The following DST variants were observed in gnomAD, a reference collection of about 807,000 sequenced individuals.
DST encodes dystonin.
In DST, 253 loss-of-function variants were observed where a neutral mutation model predicts 875.2. The observed-to-expected ratio is 0.29, with a 90% CI of 0.26 to 0.32. DST has a LOEUF of 0.32. Ranked by LOEUF, DST falls within the 10% of genes least tolerant of loss-of-function variation. DST has a pLI of 1.00. For synonymous variants in DST, 3,124 were observed against 3,197.1 expected (o/e 0.98, Z 0.77); for missense variants, 8,287 against 9,111.6 (o/e 0.91, Z 3.68).
At chr6:56,629,497 A>T in intron 31 of DST, 54 bp from the exon 32 acceptor site, 1 of 1,313,214 alleles carries the variant, frequency 7.6e-7, no homozygotes, top group Non-Finnish European at 1.1e-6. Context: ...TCACTGGGTA[A>T]ATATATTATT....
At chr6:56,686,861 C>A (rs1017366120) in intron 9 of DST, among the ~76,000 whole-genome samples, 3 of 152,212 alleles carry the variant, frequency 2.0e-5, no homozygotes, top group South Asian at 4.1e-4. Context: ...TTATAAAGCA[C>A]TTTACAGTCT....
At chr6:56,862,926 T>C (rs2127594961) in intron 3 of DST, 1 of 152,284 alleles carries the variant, frequency 6.6e-6, no homozygotes, top group South Asian at 2.1e-4. Flanking sequence ...AATGAGTGGG[T>C]CCCAGTCAAG....
intron 9 of DST, among the ~76,000 whole-genome samples, chr6:56,671,244 G>A (rs555937187): frequency 5.3e-5 from 8 of 152,076 alleles, no homozygotes; most frequent in Non-Finnish European, 8.8e-5. Context: ...AAAATTCTAC[G>A]TTCTTCTTTC....
At chr6:56,893,231 C>T (rs1300522510) in intron 3 of DST, among the ~76,000 whole-genome samples, 2 of 152,230 alleles carry the variant, frequency 1.3e-5, no homozygotes, top group African/African-American at 4.8e-5. Flanking sequence ...TTAGCTCCCA[C>T]ATGTCAGTGA....
In DST at chr6:56,601,652, T is replaced by TA; in HGVS notation, c.11331dup (p.Thr3778TyrfsTer11). The TA allele has an allele frequency of 6.3e-7, 1 of 1,587,486 alleles. No individual in the cohort carries two copies. Among genetic ancestry groups the TA allele is most frequent in the Non-Finnish European group, 8.6e-7 (1 of 1,165,586 alleles). On this transcript the variant is annotated frameshift_variant, in exon 44 of 104. Coordinates refer to ENST00000680361, the MANE Select transcript of DST (RefSeq NM_001374736.1). LOFTEE classifies it high-confidence loss of function. ...GCAGTAGTCTCCAGCTGCATTTTGG[T>TA]ATGTCCAAGGTCTTTTAATACATTC... is the stretch of plus-strand genomic sequence containing the variant.
chr6:56,506,321 GA>G, intron 77 of DST, 121 bp downstream of exon 77: 1 of 687,466 alleles, frequency 1.5e-6, no homozygotes, highest in East Asian at 2.8e-5. Flanking sequence ...GCAACTGCAG[GA>G]ATAATTTGCC....
chr6:56,735,387 A>C, intron 4 of DST, 98 bp from the exon 5 acceptor site: 1 of 780,884 alleles, frequency 1.3e-6, no homozygotes, highest in Non-Finnish European at 2.1e-6. Flanking sequence ...TATTTAAAAG[A>C]TATGCTTCAG....
intron 36 of DST, chr6:56,620,281 T>C: frequency 1.2e-6 from 2 of 1,614,190 alleles, no homozygotes; most frequent in Non-Finnish European, 1.7e-6. Context: ...GATCTTCCAG[T>C]GTTCGTCTGG....
intron 4 of DST, among the ~76,000 whole-genome samples, chr6:56,845,339 G>A (rs1314959069): frequency 3.3e-5 from 5 of 152,076 alleles, no homozygotes; most frequent in Non-Finnish European, 2.9e-5. Context: ...CTTAGATAGG[G>A]ATGAGTTCCT....
At chr6:56,660,130 C>T (rs1442159324) in intron 10 of DST, among the ~76,000 whole-genome samples, 15 of 152,174 alleles carry the variant, frequency 9.9e-5, no homozygotes, top group Admixed American at 9.8e-4. Flanking sequence ...AAAAAGACTG[C>T]TGGCCAGAAC....
rs1423286229 is a variant in DST at position 56,555,494 on chromosome 6, T to C, written c.14987A>G (p.Glu4996Gly). ...QLETAQKMKQ[E>G]IQQEKKQIKV... ...TATCTGCTTCTTTTCCTGCTGTATC[T>C]CCTGCTTCATTTTTTGGGCTGTTTC... is the stretch of plus-strand genomic sequence containing the variant. Residue 4996 changes from glutamate to glycine, a missense_variant, in exon 60 of 104, where the codon GAG becomes GGG. Around this residue, in one of 10 missense-constraint regions of DST, gnomAD observed 1,513 missense variants for 1,677.8 expected, o/e 0.90. Coordinates refer to ENST00000680361, the MANE Select transcript of DST (RefSeq NM_001374736.1). 6.2e-7 allele frequency: 1 copy of C among 1,614,024 alleles called. No individual in the cohort carries two copies. The highest frequency in any genetic ancestry group is 8.5e-7 in the Non-Finnish European group (1 of 1,179,894).
rs2098482534 is a variant in DST at position 56,605,070 on chromosome 6, A to G, written c.9558T>C (p.His3186=). The change falls in exon 40 of 104, where the codon CAT becomes CAC. Residue 3186 remains histidine, a synonymous_variant. Coordinates refer to ENST00000680361, the MANE Select transcript of DST (RefSeq NM_001374736.1). ...KELDLFTYLK[H]CAKNIKAKDV... is the part of the protein sequence containing the mutation. ...CTTTTGCTTTTATATTTTTAGCACA[A>G]TGTTTTAAGTAAGTAAACAGATCAA... 4 of 1,612,628 alleles carry G rather than the reference A, an allele frequency of 2.5e-6. No individual in the cohort carries two copies. Among genetic ancestry groups the G allele is most frequent in the Non-Finnish European group, 3.4e-6 (4 of 1,179,280 alleles).
intron 90 of DST, among the ~76,000 whole-genome samples, chr6:56,478,959 T>G (rs1642280183): frequency 6.6e-6 from 1 of 152,080 alleles, no homozygotes; most frequent in Non-Finnish European, 1.5e-5. Context: ...CAACAAAAGA[T>G]AGAATCAACA....
chr6:56,615,271 T>C (rs2098602166), intron 36 of DST: 3 of 1,293,048 alleles, frequency 2.3e-6, no homozygotes, highest in South Asian at 3.6e-5. Context: ...AAAAACATTT[T>C]AGTGTGGCCA....
chr6:56,751,837 TAAAAG>T (rs2099588046), intron 4 of DST, among the ~76,000 whole-genome samples: 1 of 152,204 alleles, frequency 6.6e-6, no homozygotes, highest in African/African-American at 2.4e-5. Context: ...CATTCCAAAA[TAAAAG>T]AGAAGAGAGG....
At chr6:56,619,275 TG>T in intron 36 of DST, 1 of 1,613,042 alleles carries the variant, frequency 6.2e-7, no homozygotes, top group Non-Finnish European at 8.5e-7. Flanking sequence ...ATCATTAATT[TG>T]GTTTCATTAT....
rs2098507424 is a variant in DST, at chr6:56,607,338, G to C, written c.7290C>G (p.Asp2430Glu). The C allele has an allele frequency of 1.2e-6, 2 of 1,613,274 alleles. No individual in the cohort carries two copies. Among genetic ancestry groups the C allele is most frequent in the Non-Finnish European group, 8.5e-7 (1 of 1,179,646 alleles). The change falls in exon 40 of 104, where the codon GAC (aspartate) becomes GAG (glutamate). Residue 2430 changes from aspartate (D) to glutamate (E), a missense_variant. This residue lies in a region of DST where 3,138 missense variants were observed against 3,116.6 expected (regional missense o/e 1.01). Transcript: ENST00000680361. ...ACAAGGCACTTAGCCTGGGGGAATAGTCAAAGATAGGTGAATCCCTGTTTG... is the reference window on the plus strand; with the variant it reads ...ACAAGGCACTTAGCCTGGGGGAATACTCAAAGATAGGTGAATCCCTGTTTG... ...DNTNRDSPIF[D>E]YSPRLSALLS...
rs2094257033 is a variant in DST at position 56,460,184 on chromosome 6, T to G, written c.23141A>C (p.Glu7714Ala). 14 of 1,613,954 alleles carry G rather than the reference T, an allele frequency of 8.7e-6. No individual in the cohort carries two copies. The highest frequency in any genetic ancestry group is 1.1e-5 in the Non-Finnish European group (13 of 1,179,842). The change falls in exon 103 of 104, where the codon GAG (glutamate) becomes GCG (alanine). Residue 7714 changes from glutamate to alanine, a missense_variant. By Grantham distance (107) the Glu-to-Ala change is moderately radical. Coordinates refer to ENST00000680361, the MANE Select transcript of DST (RefSeq NM_001374736.1). ...YLSGKGFHSG[E>A]DSGLITTAAA... ...TGCAGTTGTTATCAAGCCACTGTCC[T>G]CCCCAGAGTGGAAGCCTTTCCCTGA...
chr6:56,689,551 G>GT (rs2099213465), intron 9 of DST, among the ~76,000 whole-genome samples: 1 of 152,152 alleles, frequency 6.6e-6, no homozygotes, highest in African/African-American at 2.4e-5. Context: ...CAAGCAAGGT[G>GT]TTTTTCAATA....
Sources: allele counts gnomAD v4.1 joint callset (sites outside exome capture counted in the v4.1 genomes callset), GRCh38; gene constraint gnomAD v4.1.1; regional missense constraint gnomAD v4.1.1; transcripts MANE v1.5; gene names NCBI Gene and HGNC (gene_info 2026-07-23, HGNC 2026-07-21).